Variants in MME observed in about 807,000 individuals in gnomAD.
MME encodes the protein membrane metalloendopeptidase.
A neutral mutation model predicts 113.2 loss-of-function variants in MME; 98 were observed. The observed-to-expected ratio is 0.87, with a 90% CI of 0.74 to 1.02. MME has a LOEUF of 1.02. Ranked by LOEUF, MME falls within the 50% of genes least tolerant of loss-of-function variation. The pLI, the probability that MME is intolerant of heterozygous loss-of-function variation, is 0.00. For synonymous variants in MME, 292 were observed against 300.6 expected (o/e 0.97, Z 0.30); for missense variants, 836 against 896.0 (o/e 0.93, Z 0.86).
chr3:155,156,831 C>T (rs889375793), intron 16 of MME, among the ~76,000 whole-genome samples: 4 of 152,064 alleles, frequency 2.6e-5, no homozygotes, highest in South Asian at 2.1e-4. Context: ...CTGGCAGTAC[C>T]GGCTCACTAA....
intron 14 of MME, among the ~76,000 whole-genome samples, chr3:155,146,276 A>G (rs1460874907): frequency 2.0e-5 from 3 of 152,174 alleles, no homozygotes; most frequent in Non-Finnish European, 4.4e-5. Context: ...GTGTAATCCC[A>G]GCACTTTGGG....
chr3:155,069,644 A>T (rs16824533), intron 1 of MME, among the ~76,000 whole-genome samples: 4 of 152,194 alleles, frequency 2.6e-5, no homozygotes. Flanking sequence ...GAAGAGAAAC[A>T]TTGTACTTTA....
At position 155,166,913 on chromosome 3, in the gene MME, G is replaced by A. The variant is rs200645368; in HGVS notation, c.1672G>A (p.Gly558Ser). 38 of 1,613,572 alleles carry A rather than the reference G, an allele frequency of 2.4e-5. No homozygotes were observed. The highest frequency in any genetic ancestry group is 4.5e-5 in the East Asian group (2 of 44,832). Residue 558 changes from glycine to serine, a missense_variant, in exon 18 of 23, where the codon GGC becomes AGC. By Grantham distance (56) the Gly-to-Ser change is moderately conservative. Coordinates refer to ENST00000360490, the MANE Select transcript of MME (RefSeq NM_007289.4). ...TTCTCTCCTTGTAGTCTTCCCAGCC[G>A]GCATTCTGCAGCCCCCCTTCTTTAG... Reference protein sequence around the residue: ...SGRNQIVFPAGILQPPFFSAQ... With the variant: ...SGRNQIVFPASILQPPFFSAQ...
At chr3:155,156,160 T>C (rs1223422965) in intron 16 of MME, among the ~76,000 whole-genome samples, 1 of 152,176 alleles carries the variant, frequency 6.6e-6, no homozygotes, top group African/African-American at 2.4e-5. Flanking sequence ...GAAGAGCCTG[T>C]GCTGTGGAGT....
At chr3:155,057,193 C>T (rs1450447928) in intron 1 of MME, among the ~76,000 whole-genome samples, 2 of 152,052 alleles carry the variant, frequency 1.3e-5, no homozygotes, top group Non-Finnish European at 2.9e-5. Context: ...TCGCAACCTA[C>T]TCATCTGACA....
At chr3:155,169,361 C>T (rs889024010) in intron 20 of MME, among the ~76,000 whole-genome samples, 10 of 152,116 alleles carry the variant, frequency 6.6e-5, no homozygotes, top group South Asian at 2.1e-4. Context: ...GTGGAGCATC[C>T]GTTAGAATCC....
chr3:155,030,811 T>C (rs58130160), intron 1 of MME, among the ~76,000 whole-genome samples: 3,267 of 152,284 alleles, frequency 0.021, 113 homozygotes, highest in African/African-American at 0.069. Flanking sequence ...GTCAGCTAAG[T>C]GCCTATGCAT....
At chr3:155,133,364 C>T (rs1044929371) in intron 8 of MME, among the ~76,000 whole-genome samples, 2 of 151,472 alleles carry the variant, frequency 1.3e-5, no homozygotes, top group Admixed American at 6.6e-5. Context: ...ATTAAATACT[C>T]GAGCATCCCA....
chr3:155,026,955 C>T (rs1487047880), intron 1 of MME, among the ~76,000 whole-genome samples: 1 of 152,142 alleles, frequency 6.6e-6, no homozygotes, highest in Non-Finnish European at 1.5e-5. Context: ...TCTACTCAGA[C>T]AGTAATAATA....
upstream of MME, among the ~76,000 whole-genome samples, chr3:155,078,659 A>ATG (rs5853711): frequency 0.24 from 33,723 of 141,720 alleles, 3,989 homozygotes; most frequent in Non-Finnish European, 0.29. Flanking sequence ...ATGTGTGTGT[A>ATG]TGTGTGTGTG....
chr3:155,179,274 C>T (rs1285158631), intron 22 of MME, among the ~76,000 whole-genome samples: 3 of 152,034 alleles, frequency 2.0e-5, no homozygotes, highest in Non-Finnish European at 4.4e-5. Context: ...AAATGTACCA[C>T]GAGGAGGCTA....
At chr3:155,124,109 T>C (rs2108273456) in intron 8 of MME, among the ~76,000 whole-genome samples, 1 of 146,140 alleles carries the variant, frequency 6.8e-6, no homozygotes, top group East Asian at 2.0e-4. Flanking sequence ...TTGGAGGCTT[T>C]GCTCATTTCT....
intron 1 of MME, among the ~76,000 whole-genome samples, chr3:155,058,403 G>A (rs1002127230): frequency 6.6e-6 from 1 of 152,094 alleles, no homozygotes; most frequent in Non-Finnish European, 1.5e-5. Context: ...ATAAATATTT[G>A]TAATTGAATA....
intron 4 of MME, 60 bp downstream of exon 4, chr3:155,115,215 A>G (rs1718501543): frequency 2.5e-6 from 4 of 1,581,116 alleles, no homozygotes; most frequent in South Asian, 2.2e-5. Context: ...CATTTTTTAA[A>G]TATACAATTG....
At chr3:155,084,422 T>C (rs1715473555) in intron 2 of MME, 95 bp downstream of exon 2, 2 of 1,250,376 alleles carry the variant, frequency 1.6e-6, no homozygotes, top group Middle Eastern at 1.8e-4. Flanking sequence ...GTGTTAAGGA[T>C]AGAGGCACTT....
intron 3 of MME, among the ~76,000 whole-genome samples, chr3:155,099,635 A>C (rs1717032547): frequency 6.6e-6 from 1 of 152,246 alleles, no homozygotes; most frequent in African/African-American, 2.4e-5. Context: ...CTTCATAAAA[A>C]AGAAACTGCT....
At chr3:155,127,791 A>G (rs1239919259) in intron 8 of MME, among the ~76,000 whole-genome samples, 2 of 152,248 alleles carry the variant, frequency 1.3e-5, no homozygotes, top group African/African-American at 2.4e-5. Flanking sequence ...GAACAGTAGT[A>G]TAGTGGCAAA....
intron 3 of MME, among the ~76,000 whole-genome samples, chr3:155,087,512 C>T (rs2108178455): frequency 6.6e-6 from 1 of 152,232 alleles, no homozygotes; most frequent in East Asian, 1.9e-4. Context: ...TCAAAGTTAA[C>T]GTTTACTTCC....
Position 155,166,920 on chromosome 3 carries a change from T to G in MME, c.1679T>G (p.Leu560Arg). The part of the protein sequence containing the change: ...RNQIVFPAGI[L>R]QPPFFSAQQS... ...CTTGTAGTCTTCCCAGCCGGCATTCTGCAGCCCCCCTTCTTTAGTGCCCAG... is the reference window on the plus strand; with the variant it reads ...CTTGTAGTCTTCCCAGCCGGCATTCGGCAGCCCCCCTTCTTTAGTGCCCAG... Residue 560 changes from leucine to arginine, a missense_variant, in exon 18 of 23, where the codon CTG becomes CGG. Coordinates refer to ENST00000360490, the MANE Select transcript of MME (RefSeq NM_007289.4). The G allele has an allele frequency of 6.2e-7, 1 of 1,613,748 alleles. No homozygotes were observed. The highest frequency in any genetic ancestry group is 8.5e-7 in the Non-Finnish European group (1 of 1,179,752).
Sources: gnomAD v4.1 joint callset for allele counts (sites outside exome capture counted in the v4.1 genomes callset) on GRCh38, gnomAD v4.1.1 for gene constraint, MANE v1.5 for transcripts, NCBI Gene and HGNC (gene_info 2026-07-23, HGNC 2026-07-21) for gene names.